The following ANO1 variants were observed in gnomAD, a reference collection of about 807,000 sequenced individuals.
ANO1 encodes anoctamin-1.
Under a neutral mutation model 124.0 loss-of-function variants are expected in ANO1, and 59 were observed. The observed-to-expected ratio is 0.48, with a 90% CI of 0.39 to 0.59. The LOEUF (loss-of-function observed/expected upper bound fraction) is 0.59. Ranked by LOEUF, ANO1 falls within the 20% of genes least tolerant of loss-of-function variation. The probability of loss-of-function intolerance (pLI) is 0.00; values close to 1 mark genes in which losing one functional copy is unlikely to be tolerated. For synonymous variants in ANO1, 529 were observed against 532.0 expected (o/e 0.99, Z 0.08); for missense variants, 1,059 against 1,328.0 (o/e 0.80, Z 3.15).
intron 22 of ANO1, among the ~76,000 whole-genome samples, chr11:70,179,430 C>T (rs1331148213): frequency 6.6e-6 from 1 of 152,152 alleles, no homozygotes; most frequent in East Asian, 1.9e-4. Context: ...CCAGCATGGC[C>T]CTGGGCGCTG....
intron 2 of ANO1, among the ~76,000 whole-genome samples, chr11:70,094,969 G>A (rs961027637): frequency 2.0e-5 from 3 of 152,130 alleles, no homozygotes; most frequent in African/African-American, 7.2e-5. Flanking sequence ...CACTTTGGGA[G>A]GCTGAGGCAG....
chr11:70,094,926 G>T (rs1296029756), intron 2 of ANO1, among the ~76,000 whole-genome samples: 4 of 152,156 alleles, frequency 2.6e-5, no homozygotes, highest in Non-Finnish European at 4.4e-5. Context: ...TGAATTCTGG[G>T]CTGGGTGCCA....
At chr11:69,981,937 C>G (rs1855963275), upstream of ANO1, among the ~76,000 whole-genome samples, 1 of 152,086 alleles carries the variant, frequency 6.6e-6, no homozygotes, top group Admixed American at 6.5e-5. Context: ...CACGAAAGAC[C>G]ATGTAATGTA....
intron 19 of ANO1, 122 bp downstream of exon 19, chr11:70,163,462 CCTT>C: frequency 7.8e-7 from 1 of 1,280,586 alleles, no homozygotes; most frequent in Non-Finnish European, 1.1e-6. Flanking sequence ...AGGTTTCTTT[CCTT>C]CTTGCTGGAA....
intron 1 of ANO1, among the ~76,000 whole-genome samples, chr11:70,007,569 C>CGCG (rs1168013815): frequency 3.9e-5 from 6 of 152,180 alleles, no homozygotes; most frequent in African/African-American, 1.4e-4. Flanking sequence ...CGTGAGCCAC[C>CGCG]GCGCCCGGCC....
At position 70,100,739 on chromosome 11, in the gene ANO1, G is replaced by A. The variant is rs1453942387; in HGVS notation, c.442-2327G>A. 2.6e-5 allele frequency among the ~76,000 whole-genome samples: 4 copies of A among 152,352 alleles called. No individual in the cohort carries two copies. The East Asian group carries it at 7.7e-4, about 29-fold the overall frequency. On this transcript the variant is annotated intron_variant, in intron 2 of 25. Coordinates refer to ENST00000355303, the MANE Select transcript of ANO1 (RefSeq NM_018043.7). Reference sequence around the variant, plus strand: ...ACAGGACCTGCCTCACAGGCTTGCAGTGAGGATAAAATGAGTTGATATGCA... The same window carrying A: ...ACAGGACCTGCCTCACAGGCTTGCAATGAGGATAAAATGAGTTGATATGCA...
At chr11:70,018,788 A>G (rs1195343631) in intron 1 of ANO1, among the ~76,000 whole-genome samples, 1 of 152,242 alleles carries the variant, frequency 6.6e-6, no homozygotes, top group East Asian at 1.9e-4. Context: ...CCATCCCCTG[A>G]GTCTGTGCCA....
At chr11:70,130,786 C>T (rs779040603) in intron 10 of ANO1, among the ~76,000 whole-genome samples, 11 of 152,204 alleles carry the variant, frequency 7.2e-5, no homozygotes, top group Non-Finnish European at 8.8e-5. Flanking sequence ...CCCGGCTTCC[C>T]GAGTGAGCCT....
intron 1 of ANO1, among the ~76,000 whole-genome samples, chr11:70,062,067 CTTTTTTTTTTTTT>C (rs1175846749): frequency 1.6e-5 from 1 of 62,270 alleles, no homozygotes; most frequent in African/African-American, 6.2e-5. Context: ...TTCCTTCTTT[CTTTTTTTTTTTTT>C]TTTTTTTTTT....
chr11:70,022,655 C>T (rs1555002732), intron 1 of ANO1, among the ~76,000 whole-genome samples: 1 of 152,006 alleles, frequency 6.6e-6, no homozygotes, highest in African/African-American at 2.4e-5. Context: ...CCCATAGAGC[C>T]AGCCTCACCT....
intron 16 of ANO1, among the ~76,000 whole-genome samples, chr11:70,157,668 T>C (rs928113824): frequency 9.2e-5 from 14 of 152,066 alleles, no homozygotes; most frequent in Admixed American, 9.2e-4. Flanking sequence ...AAAGATATCA[T>C]TTAAGATGAA....
the ANO1 span, among the ~76,000 whole-genome samples, chr11:69,980,086 G>A: frequency 1.3e-5 from 2 of 152,176 alleles, no homozygotes; most frequent in African/African-American, 4.8e-5. Context: ...AGTTCGATAA[G>A]CCCTAAAAAG....
At chr11:70,007,618 A>G (rs1350153213) in intron 1 of ANO1, among the ~76,000 whole-genome samples, 1 of 152,128 alleles carries the variant, frequency 6.6e-6, no homozygotes, top group East Asian at 1.9e-4. Flanking sequence ...ATCTCATTGT[A>G]TGGTAGACCA....
intron 1 of ANO1, among the ~76,000 whole-genome samples, chr11:70,068,779 G>C (rs1857795950): frequency 6.6e-6 from 1 of 152,186 alleles, no homozygotes; most frequent in African/African-American, 2.4e-5. Context: ...TGGTGGGAAG[G>C]CGGGTAGGGG....
At chr11:70,067,257 T>A (rs1555008724) in intron 1 of ANO1, among the ~76,000 whole-genome samples, 5 of 151,894 alleles carry the variant, frequency 3.3e-5, no homozygotes. Context: ...TGCTTCTGTT[T>A]TGTCGATGGT....
chr11:70,054,281 G>C (rs189133233), intron 1 of ANO1, among the ~76,000 whole-genome samples: 104 of 152,330 alleles, frequency 6.8e-4, no homozygotes, highest in Non-Finnish European at 1.2e-3. Context: ...TGCTCCCAGA[G>C]CCTGCAAGTC....
intron 1 of ANO1, among the ~76,000 whole-genome samples, chr11:69,993,373 A>G (rs1027228591): frequency 6.6e-6 from 1 of 152,218 alleles, no homozygotes; most frequent in Non-Finnish European, 1.5e-5. Flanking sequence ...GATGTGAGCA[A>G]TTAGAAAGGA....
In ANO1 at chr11:70,085,958, G is replaced by T. The variant is rs67993242; in HGVS notation, c.109-1794G>T. On this transcript the variant is annotated intron_variant, in intron 1 of 25. Transcript: ENST00000355303. ...GCCCAGGGGCTCCAGGCGACCACGT[G>T]GGGGGACCCTCCAGGCCAGCGAGGC... Among the ~76,000 whole-genome samples, 786 of 152,258 alleles carry T rather than the reference G, an allele frequency of 5.2e-3. 7 individuals are homozygous for T. The highest frequency in any genetic ancestry group is 0.018 in the African/African-American group (747 of 41,566).
intron 1 of ANO1, among the ~76,000 whole-genome samples, chr11:70,053,530 A>G (rs986289902): frequency 6.6e-6 from 1 of 151,998 alleles, no homozygotes; most frequent in Non-Finnish European, 1.5e-5. Flanking sequence ...TTATTTTGTT[A>G]ATTTTTGAGT....
Sources: allele counts gnomAD v4.1 joint callset (sites outside exome capture counted in the v4.1 genomes callset), GRCh38; gene constraint gnomAD v4.1.1; transcripts MANE v1.5; gene names NCBI Gene and HGNC (gene_info 2026-07-23, HGNC 2026-07-21).